Variants in FER1L6 observed in about 807,000 individuals in gnomAD.
The protein encoded by FER1L6 is fer-1 like family member 6, also known as fer-1-like protein 6.
A neutral mutation model predicts 219.2 loss-of-function variants in FER1L6; 177 were observed. That is an observed-to-expected ratio of 0.81 (90% CI 0.71 to 0.91). The LOEUF (loss-of-function observed/expected upper bound fraction) is 0.91. Ranked by LOEUF, FER1L6 falls within the 40% of genes least tolerant of loss-of-function variation. The pLI is 0.00. For synonymous variants in FER1L6, 768 were observed against 824.3 expected (o/e 0.93, Z 1.17); for missense variants, 2,153 against 2,259.9 (o/e 0.95, Z 0.96).
rs1240367473 is a variant in FER1L6, at chr8:123,852,324, C to G, written c.-8+139C>G. On this transcript the variant is annotated intron_variant, in intron 1 of 40. Coordinates refer to ENST00000522917, the MANE Select transcript of FER1L6 (RefSeq NM_001039112.2). The surrounding 1 kb of genome is among the most constrained non-coding windows in gnomAD (Gnocchi z 4.9). The stretch of plus-strand genomic sequence containing the variant: ...ATGGAAGCAGTCCAATGTAATCAAC[C>G]TGCCTCCAGGTAGCTGGCTGGTCAC... 6.6e-6 allele frequency: 1 copy of G among 152,238 alleles called. No individual in the cohort carries two copies. The highest frequency in any genetic ancestry group is 1.5e-5 in the Non-Finnish European group (1 of 68,108). 9.4% of individuals were successfully genotyped at this position (152,238 alleles called of 1,614,324 possible).
chr8:123,948,108 A>G (rs1055296862), intron 1 of FER1L6, among the ~76,000 whole-genome samples: 8 of 152,222 alleles, frequency 5.3e-5, no homozygotes, highest in African/African-American at 1.7e-4. Flanking sequence ...CGTGTAGGAT[A>G]TAACACTTTA....
chr8:123,948,703 A>T (rs781226792), intron 1 of FER1L6, among the ~76,000 whole-genome samples: 1 of 152,090 alleles, frequency 6.6e-6, no homozygotes, highest in Non-Finnish European at 1.5e-5. Flanking sequence ...TTAGTAATTA[A>T]ACTAGACAGA....
intron 13 of FER1L6, among the ~76,000 whole-genome samples, chr8:124,005,951 T>C (rs887152209): frequency 6.6e-6 from 1 of 152,254 alleles, no homozygotes; most frequent in Admixed American, 6.5e-5. Flanking sequence ...CTAAACCCTG[T>C]CCTTCCATGG....
intron 1 of FER1L6, among the ~76,000 whole-genome samples, chr8:123,884,639 G>T (rs971243106): frequency 7.2e-5 from 11 of 152,144 alleles, no homozygotes; most frequent in African/African-American, 2.7e-4. Context: ...AAAGATGGCA[G>T]GCTCAAATCG....
chr8:123,974,734 A>T (rs1815986858), intron 7 of FER1L6, among the ~76,000 whole-genome samples: 1 of 151,428 alleles, frequency 6.6e-6, no homozygotes, highest in African/African-American at 2.4e-5. Context: ...GAAAAGCCGG[A>T]AGTCTAGATT....
intron 14 of FER1L6, among the ~76,000 whole-genome samples, chr8:124,011,207 C>T (rs964248382): frequency 4.6e-5 from 7 of 152,186 alleles, no homozygotes; most frequent in East Asian, 1.9e-4. Context: ...CTTTAAGCTT[C>T]GCAGCCACCC....
chr8:123,897,041 C>G (rs10956153), intron 1 of FER1L6, among the ~76,000 whole-genome samples: 1 of 152,006 alleles, frequency 6.6e-6, no homozygotes, highest in Non-Finnish European at 1.5e-5. Context: ...TTTGGTCACC[C>G]TTGATTCTTT....
intron 11 of FER1L6, 46 bp from the exon 12 acceptor site, chr8:123,986,020 TGA>T: frequency 1.9e-6 from 2 of 1,053,770 alleles, no homozygotes; most frequent in Non-Finnish European, 3.0e-6. Context: ...AGCTTCCTAA[TGA>T]GAGAAAAAGC....
At chr8:124,030,313 C>T (rs1336705209) in intron 18 of FER1L6, among the ~76,000 whole-genome samples, 1 of 152,156 alleles carries the variant, frequency 6.6e-6, no homozygotes, top group Non-Finnish European at 1.5e-5. Context: ...TCAGTAACAG[C>T]AATGAAGGTT....
intron 1 of FER1L6, among the ~76,000 whole-genome samples, chr8:123,944,291 ATATT>A (rs944096803): frequency 1.5e-4 from 23 of 148,616 alleles, no homozygotes; most frequent in African/African-American, 5.4e-4. Flanking sequence ...CTTATTATAT[ATATT>A]ATATATTTAA....
intron 1 of FER1L6, among the ~76,000 whole-genome samples, chr8:123,938,090 C>T (rs1282809708): frequency 6.6e-6 from 1 of 152,214 alleles, no homozygotes; most frequent in East Asian, 1.9e-4. Flanking sequence ...TCCATCCTAT[C>T]ATACCAAGAA....
At chr8:123,998,334 G>A (rs1817232927) in intron 12 of FER1L6, among the ~76,000 whole-genome samples, 2 of 140,922 alleles carry the variant, frequency 1.4e-5, no homozygotes, top group African/African-American at 5.3e-5. Context: ...TTAATAGGCA[G>A]AGACACTTGT....
intron 1 of FER1L6, among the ~76,000 whole-genome samples, chr8:123,876,408 T>C (rs1283742113): frequency 6.6e-6 from 1 of 152,084 alleles, no homozygotes; most frequent in African/African-American, 2.4e-5. Context: ...AGCCTTGACC[T>C]CCTGGGCTCA....
Position 124,111,402 on chromosome 8 carries a change from G to T in FER1L6, c.5290-7442G>T, listed in dbSNP as rs1044006992. On this transcript the variant is annotated intron_variant, in intron 39 of 40. Transcript: ENST00000522917. The surrounding 1 kb of genome is among the most constrained non-coding windows in gnomAD (Gnocchi z 5.0). Reference sequence around the variant, plus strand: ...TGGCCTGCAGAAGGGATGTATTCCAGCTACCCTTGTCCTCTTGTTATAGGA... The same window carrying T: ...TGGCCTGCAGAAGGGATGTATTCCATCTACCCTTGTCCTCTTGTTATAGGA... 6.6e-6 allele frequency among the ~76,000 whole-genome samples: 1 copy of T among 152,198 alleles called. No homozygotes were observed. The highest frequency in any genetic ancestry group is 6.5e-5 in the Admixed American group (1 of 15,276).
chr8:124,023,630 G>A, intron 18 of FER1L6, 34 bp downstream of exon 18: 1 of 1,608,066 alleles, frequency 6.2e-7, no homozygotes, highest in Non-Finnish European at 8.5e-7. Flanking sequence ...AAAGAAGGGA[G>A]ATTTCTGTTT....
chr8:123,994,721 G>A (rs1014317221), intron 12 of FER1L6, among the ~76,000 whole-genome samples: 1 of 152,172 alleles, frequency 6.6e-6, no homozygotes, highest in Admixed American at 6.5e-5. Context: ...TTCTGGCCAA[G>A]GGAGTTTGTC....
At position 123,975,215 on chromosome 8, in the gene FER1L6, G is replaced by A. The variant is rs752167969; in HGVS notation, c.592G>A (p.Gly198Arg). Reference protein sequence around the residue: ...DPGDIRTGTKGYLKCDISVMG... With the variant: ...DPGDIRTGTKRYLKCDISVMG... Reference sequence around the variant, plus strand: ...TGGTGACATCAGGACTGGCACCAAGGGGTACCTGAAATGTGACATCAGTGT... The same window carrying A: ...TGGTGACATCAGGACTGGCACCAAGAGGTACCTGAAATGTGACATCAGTGT... The change falls in exon 8 of 41, where the codon GGG becomes AGG. Residue 198 changes from glycine to arginine, a missense_variant. By Grantham distance (125) the Gly-to-Arg change is moderately radical. Transcript: ENST00000522917. 12 of 1,612,830 alleles carry A rather than the reference G, an allele frequency of 7.4e-6. No homozygotes were observed. Among genetic ancestry groups the A allele is most frequent in the East Asian group, 2.2e-5 (1 of 44,858 alleles).
chr8:123,937,501 G>A (rs1814055338), intron 1 of FER1L6, among the ~76,000 whole-genome samples: 1 of 152,170 alleles, frequency 6.6e-6, no homozygotes, highest in African/African-American at 2.4e-5. Flanking sequence ...TACAGGTTTA[G>A]GGATGAGCCG....
At chr8:123,946,205 C>T (rs775653560) in intron 1 of FER1L6, among the ~76,000 whole-genome samples, 3 of 152,096 alleles carry the variant, frequency 2.0e-5, no homozygotes, top group Non-Finnish European at 2.9e-5. Context: ...TTTCTCTGGA[C>T]TGGACCTCAA....
Sources: allele counts gnomAD v4.1 joint callset (sites outside exome capture counted in the v4.1 genomes callset), GRCh38; gene constraint gnomAD v4.1.1; non-coding constraint Gnocchi (gnomAD v3.1); transcripts MANE v1.5; gene names NCBI Gene and HGNC (gene_info 2026-07-23, HGNC 2026-07-21).